RUNX1: variants seen among roughly 807,000 people sequenced by gnomAD.
The protein encoded by RUNX1 is RUNX family transcription factor 1, also known as runt-related transcription factor 1.
RUNX1 carries 19 observed loss-of-function variants against 42.8 expected under a neutral mutation model. The observed-to-expected ratio is 0.44, with a 90% CI of 0.31 to 0.65. The LOEUF is 0.65. Ranked by LOEUF, RUNX1 falls within the 30% of genes least tolerant of loss-of-function variation. The pLI is 0.07. For synonymous variants in RUNX1, 271 were observed against 289.4 expected (o/e 0.94, Z 0.64); for missense variants, 528 against 672.0 (o/e 0.79, Z 2.37).
chr21:35,044,155 G>A (rs2059380323), intron 2 of RUNX1, among the ~76,000 whole-genome samples: 1 of 152,184 alleles, frequency 6.6e-6, no homozygotes, highest in African/African-American at 2.4e-5. Context: ...CCCTTAGGGT[G>A]GACTGAGTTA....
At chr21:34,908,759 A>ACT in intron 2 of RUNX1, among the ~76,000 whole-genome samples, 1 of 152,332 alleles carries the variant, frequency 6.6e-6, no homozygotes, top group Middle Eastern at 3.4e-3. Flanking sequence ...TTTATCAGAC[A>ACT]CATTTTATCA....
intron 2 of RUNX1, among the ~76,000 whole-genome samples, chr21:35,005,032 C>T (rs1383569215): frequency 1.3e-5 from 2 of 152,192 alleles, no homozygotes; most frequent in Non-Finnish European, 2.9e-5. Context: ...TCTCTATCCA[C>T]AGCATAAACC....
intron 7 of RUNX1, among the ~76,000 whole-genome samples, chr21:34,814,259 C>A (rs1294281762): frequency 3.3e-5 from 5 of 152,100 alleles, no homozygotes; most frequent in Non-Finnish European, 5.9e-5. Flanking sequence ...GTACAAATAA[C>A]CCAAAGTCAA....
chr21:34,840,833 G>A (rs1210043986), intron 6 of RUNX1, among the ~76,000 whole-genome samples: 1 of 152,176 alleles, frequency 6.6e-6, no homozygotes, highest in Non-Finnish European at 1.5e-5. Flanking sequence ...TTAGTTATGA[G>A]TGACCTTGGA....
intron 3 of RUNX1, 59 bp downstream of exon 3, chr21:34,892,861 AATCAT>A: frequency 1.0e-6 from 1 of 952,946 alleles, no homozygotes; most frequent in Admixed American, 2.0e-5. Flanking sequence ...ATAGATATAA[AATCAT>A]ATACACATCT....
intron 2 of RUNX1, among the ~76,000 whole-genome samples, chr21:34,912,284 C>T (rs889141977): frequency 1.3e-5 from 2 of 150,180 alleles, no homozygotes; most frequent in Non-Finnish European, 3.0e-5. Context: ...AAATATTTTC[C>T]TTTGCTACTT....
At chr21:34,989,688 G>A (rs187932684) in intron 2 of RUNX1, among the ~76,000 whole-genome samples, 3 of 152,304 alleles carry the variant, frequency 2.0e-5, no homozygotes, top group African/African-American at 7.2e-5. Flanking sequence ...CCACAGGAGT[G>A]TTTGTTCTGG....
intron 3 of RUNX1, chr21:34,889,699 C>T (rs1478227586): frequency 3.4e-6 from 4 of 1,175,074 alleles, no homozygotes; most frequent in Non-Finnish European, 4.3e-6. Context: ...TGCGGGCGGC[C>T]GCTTCCCCCT....
chr21:34,958,949 G>A (rs1367336434), intron 2 of RUNX1, among the ~76,000 whole-genome samples: 2 of 150,862 alleles, frequency 1.3e-5, no homozygotes, highest in East Asian at 3.9e-4. Context: ...CTATCGCAAA[G>A]ACAAAAAACC....
chr21:34,891,480 A>G (rs573311922), intron 3 of RUNX1, among the ~76,000 whole-genome samples: 1 of 152,252 alleles, frequency 6.6e-6, no homozygotes, highest in East Asian at 1.9e-4. Context: ...GCTCCGGGGA[A>G]AGGGAACCCC....
intron 5 of RUNX1, among the ~76,000 whole-genome samples, chr21:34,872,518 AT>A (rs2146311934): frequency 6.6e-6 from 1 of 152,304 alleles, no homozygotes; most frequent in East Asian, 1.9e-4. Flanking sequence ...ATATTCAGTG[AT>A]GTTCTCTATT....
chr21:35,014,774 G>A (rs1310367860), intron 2 of RUNX1, among the ~76,000 whole-genome samples: 2 of 152,226 alleles, frequency 1.3e-5, no homozygotes, highest in Non-Finnish European at 2.9e-5. Flanking sequence ...CCTCTCTGCC[G>A]AGGCAGCCGT....
chr21:34,979,166 G>C (rs1256933543), intron 2 of RUNX1, among the ~76,000 whole-genome samples: 1 of 152,108 alleles, frequency 6.6e-6, no homozygotes, highest in Non-Finnish European at 1.5e-5. Context: ...TCCCATGCCT[G>C]GGTTCTGGAA....
At chr21:34,861,235 C>G (rs1412457257) in intron 5 of RUNX1, among the ~76,000 whole-genome samples, 1 of 152,214 alleles carries the variant, frequency 6.6e-6, no homozygotes, top group Non-Finnish European at 1.5e-5. Flanking sequence ...ACCGTGGCAT[C>G]TAGCTGAAGG....
At chr21:34,811,982 C>T (rs1286619340) in intron 7 of RUNX1, among the ~76,000 whole-genome samples, 1 of 151,268 alleles carries the variant, frequency 6.6e-6, no homozygotes, top group Non-Finnish European at 1.5e-5. Flanking sequence ...CGAGAAATGC[C>T]CCCAAGAAAC....
chr21:34,877,633 C>T (rs910954633), intron 5 of RUNX1, among the ~76,000 whole-genome samples: 1 of 152,184 alleles, frequency 6.6e-6, no homozygotes, highest in African/African-American at 2.4e-5. Context: ...TTCTACAGGG[C>T]CAGTGTAGCC....
chr21:34,898,223 A>G (rs1225561570), intron 2 of RUNX1, among the ~76,000 whole-genome samples: 1 of 152,056 alleles, frequency 6.6e-6, no homozygotes, highest in Non-Finnish European at 1.5e-5. Flanking sequence ...AGGTTATCCA[A>G]CCCCTGGATT....
chr21:34,878,223 T>A (rs1171923878), intron 5 of RUNX1, among the ~76,000 whole-genome samples: 3 of 150,190 alleles, frequency 2.0e-5, no homozygotes, highest in Admixed American at 6.6e-5. Context: ...TCTGGCAGGC[T>A]TTGGTGTTGA....
chr21:34,930,863 A>C (rs976639322), intron 2 of RUNX1, among the ~76,000 whole-genome samples: 1 of 152,184 alleles, frequency 6.6e-6, no homozygotes, highest in African/African-American at 2.4e-5. Context: ...ATTTCTTCCT[A>C]GACTTTTTTT....
Sources: gnomAD v4.1 joint callset for allele counts (sites outside exome capture counted in the v4.1 genomes callset) on GRCh38, gnomAD v4.1.1 for gene constraint, MANE v1.5 for transcripts, NCBI Gene and HGNC (gene_info 2026-07-23, HGNC 2026-07-21) for gene names.